The following CCSER1 variants were observed in gnomAD, a reference collection of about 807,000 sequenced individuals.
The protein encoded by CCSER1 is serine-rich coiled-coil domain-containing protein 1.
CCSER1 carries 41 observed loss-of-function variants against 82.0 expected under a neutral mutation model. That is an observed-to-expected ratio of 0.50 (90% confidence interval 0.39 to 0.65). The LOEUF (loss-of-function observed/expected upper bound fraction) is 0.65. CCSER1 is among the 30% of genes least tolerant of loss of function. The pLI is 0.00. For missense variants in CCSER1, 1,119 were observed against 1,064.2 expected, an observed-to-expected ratio of 1.05 and a Z score of -0.72; for synonymous variants, 414 against 383.9, an observed-to-expected ratio of 1.08 and a Z score of -0.92.
intron 4 of CCSER1, among the ~76,000 whole-genome samples, chr4:90,459,357 A>T (rs1002905777): frequency 5.3e-5 from 8 of 152,162 alleles, no homozygotes; most frequent in African/African-American, 1.9e-4. Context: ...GAACTCTGAG[A>T]TCTTTTTATT....
chr4:91,248,562 A>G (rs1350916980), intron 10 of CCSER1, among the ~76,000 whole-genome samples: 1 of 152,186 alleles, frequency 6.6e-6, no homozygotes, highest in African/African-American at 2.4e-5. Context: ...CAAGTAAGCT[A>G]CAATCTGCAA....
intron 10 of CCSER1, among the ~76,000 whole-genome samples, chr4:91,188,030 A>C (rs1363443941): frequency 6.6e-6 from 1 of 152,090 alleles, no homozygotes; most frequent in Non-Finnish European, 1.5e-5. Flanking sequence ...CAGCAGTTCC[A>C]GAGTCCAAGA....
At chr4:90,911,010 A>C (rs1042886068) in intron 8 of CCSER1, among the ~76,000 whole-genome samples, 4 of 152,228 alleles carry the variant, frequency 2.6e-5, no homozygotes, top group African/African-American at 9.6e-5. Context: ...CTTGGAAAGT[A>C]TACTTTGATA....
intron 10 of CCSER1, among the ~76,000 whole-genome samples, chr4:91,270,347 C>A (rs1453364713): frequency 2.0e-5 from 3 of 152,118 alleles, no homozygotes; most frequent in Non-Finnish European, 4.4e-5. Context: ...TGGTATGTTA[C>A]TCTTTTCTAT....
At chr4:90,815,679 C>A in intron 7 of CCSER1, 83 bp from the exon 8 acceptor site, 1 of 846,052 alleles carries the variant, frequency 1.2e-6, no homozygotes. Flanking sequence ...CAATTATCTC[C>A]CACTGTGTGA....
chr4:90,963,058 C>T (rs1734199304), intron 9 of CCSER1, among the ~76,000 whole-genome samples: 1 of 152,112 alleles, frequency 6.6e-6, no homozygotes, highest in South Asian at 2.1e-4. Flanking sequence ...GATTTCAATA[C>T]ATTGCTAATT....
At chr4:91,379,011 A>C (rs6858336) in intron 10 of CCSER1, among the ~76,000 whole-genome samples, 4 of 152,012 alleles carry the variant, frequency 2.6e-5, no homozygotes, top group African/African-American at 9.7e-5. Flanking sequence ...GAGATAATCA[A>C]GTGGTTTTTG....
At chr4:90,655,404 T>C (rs1334939781) in intron 6 of CCSER1, among the ~76,000 whole-genome samples, 3 of 152,042 alleles carry the variant, frequency 2.0e-5, no homozygotes, top group African/African-American at 7.2e-5. Flanking sequence ...TTTTGATAGT[T>C]ATTTATTGCA....
rs971772117 is a variant in CCSER1 at position 91,068,696 on chromosome 4, C to T, written c.2173-17254C>T. Among the ~76,000 whole-genome samples the T allele has an allele frequency of 1.6e-4, 25 of 152,138 alleles. No individual in the cohort carries two copies. In the East Asian group the frequency reaches 2.9e-3, roughly 18 times the overall value. ...TACAGCGCAGGTGAAATAATGCACG[C>T]GTAGACTACCACTGGTTACTTGTTT... is the stretch of plus-strand genomic sequence containing the variant. On this transcript the variant is annotated intron_variant, in intron 9 of 10. Coordinates refer to ENST00000509176, the MANE Select transcript of CCSER1 (RefSeq NM_001145065.2).
chr4:91,495,412 A>C (rs1758747561), intron 10 of CCSER1, among the ~76,000 whole-genome samples: 1 of 151,442 alleles, frequency 6.6e-6, no homozygotes, highest in African/African-American at 2.4e-5. Flanking sequence ...CTTATTTTGT[A>C]TCTCATACCT....
chr4:91,357,701 T>G (rs140274428), intron 10 of CCSER1, among the ~76,000 whole-genome samples: 3,000 of 152,124 alleles, frequency 0.02, 94 homozygotes, highest in African/African-American at 0.067. Context: ...TTATACAACA[T>G]TTTTTGCATA....
chr4:90,946,639 A>AG lies in CCSER1; in HGVS notation c.2172+23192_2172+23193insG, dbSNP rs1554048418. On this transcript the variant is annotated intron_variant, in intron 9 of 10. Transcript: ENST00000509176. ...GACTGCACCTCAAAAAAAAAAAAAA[A>AG]AGAGATTATAGAGGAGTAAATTATG... Among the ~76,000 whole-genome samples the AG allele has an allele frequency of 6.7e-4, 100 of 148,714 alleles. 2 individuals carry two copies. The highest frequency in any genetic ancestry group is 7.5e-4 in the Non-Finnish European group (50 of 67,106).
intron 10 of CCSER1, among the ~76,000 whole-genome samples, chr4:91,103,241 C>A (rs1675959036): frequency 2.0e-5 from 3 of 152,094 alleles, no homozygotes; most frequent in South Asian, 4.2e-4. Context: ...CCTCCAAGCA[C>A]TTTGAAACAA....
At chr4:90,501,480 CTT>C (rs1329524543) in intron 5 of CCSER1, among the ~76,000 whole-genome samples, 3 of 152,244 alleles carry the variant, frequency 2.0e-5, no homozygotes, top group African/African-American at 2.4e-5. Flanking sequence ...TGTCTCCACT[CTT>C]TTCGTTTTGC....
chr4:91,145,553 G>C (rs902219445), intron 10 of CCSER1, among the ~76,000 whole-genome samples: 8 of 152,012 alleles, frequency 5.3e-5, no homozygotes, highest in Admixed American at 5.2e-4. Context: ...GGGTCTGTGG[G>C]CTATGTACTT....
intron 10 of CCSER1, among the ~76,000 whole-genome samples, chr4:91,482,295 G>A (rs1480930104): frequency 2.1e-5 from 2 of 97,438 alleles, no homozygotes; most frequent in Non-Finnish European, 2.1e-5. Flanking sequence ...CCAGCTACTC[G>A]GGAGGCTGAG....
chr4:90,779,295 T>C (rs1023466356), intron 7 of CCSER1, among the ~76,000 whole-genome samples: 2 of 152,212 alleles, frequency 1.3e-5, no homozygotes, highest in Non-Finnish European at 1.5e-5. Flanking sequence ...CCTCTTTTTC[T>C]GTGGTAAAAT....
chr4:90,265,596 T>G (rs964109201), intron 1 of CCSER1, among the ~76,000 whole-genome samples: 2 of 152,020 alleles, frequency 1.3e-5, no homozygotes, highest in Non-Finnish European at 1.5e-5. Flanking sequence ...TAAAATATTC[T>G]ATACTATTAA....
intron 5 of CCSER1, chr4:90,468,569 T>C (rs771414708): frequency 4.2e-4 from 174 of 412,374 alleles, no homozygotes; most frequent in Non-Finnish European, 6.9e-4. Flanking sequence ...AAGTTTCATT[T>C]TGTTACCTTA....
Sources: allele counts gnomAD v4.1 joint callset (sites outside exome capture counted in the v4.1 genomes callset), GRCh38; gene constraint gnomAD v4.1.1; transcripts MANE v1.5; gene names NCBI Gene and HGNC (gene_info 2026-07-23, HGNC 2026-07-21).